GRIP1: variants seen among roughly 807,000 people sequenced by gnomAD.
GRIP1 encodes glutamate receptor-interacting protein 1.
GRIP1 carries 45 observed loss-of-function variants against 129.9 expected under a neutral mutation model. That is an observed-to-expected ratio of 0.35 (90% CI 0.27 to 0.44). The LOEUF (loss-of-function observed/expected upper bound fraction) is 0.44, where lower values mean the gene tolerates loss of function less well. Ranked by LOEUF, GRIP1 falls within the 20% of genes least tolerant of loss-of-function variation. GRIP1 has a pLI of 1.00. For missense variants in GRIP1, 1,196 were observed against 1,396.8 expected (o/e 0.86, Z 2.29); for synonymous variants, 530 against 520.8 (o/e 1.02, Z -0.24).
chr12:66,902,900 G>A (rs1014926831), intron 1 of GRIP1, among the ~76,000 whole-genome samples: 3 of 152,148 alleles, frequency 2.0e-5, no homozygotes, highest in African/African-American at 4.8e-5. Flanking sequence ...TCAATGCTTG[G>A]AAGTGAGGTA....
intron 1 of GRIP1, among the ~76,000 whole-genome samples, chr12:66,838,538 A>G (rs750070298): frequency 1.6e-4 from 24 of 152,186 alleles, no homozygotes; most frequent in Non-Finnish European, 2.8e-4. Context: ...CAACACGCTC[A>G]TTCACGCATG....
intron 1 of GRIP1, among the ~76,000 whole-genome samples, chr12:66,752,487 G>C (rs915963790): frequency 6.6e-6 from 1 of 152,106 alleles, no homozygotes; most frequent in African/African-American, 2.4e-5. Flanking sequence ...CATACATTTT[G>C]TTTATTTGCA....
intron 1 of GRIP1, among the ~76,000 whole-genome samples, chr12:67,060,041 A>AG (rs1205122840): frequency 6.6e-6 from 1 of 152,068 alleles, no homozygotes; most frequent in Non-Finnish European, 1.5e-5. Flanking sequence ...TGCCTGTGAC[A>AG]GGAAAAAAAA....
intron 1 of GRIP1, among the ~76,000 whole-genome samples, chr12:66,860,252 T>TA (rs2040087871): frequency 6.6e-6 from 1 of 152,100 alleles, no homozygotes; most frequent in Non-Finnish European, 1.5e-5. Context: ...GTGGAAGCTT[T>TA]AAGTCATCAC....
chr12:66,728,683 C>T (rs2036333077), intron 1 of GRIP1, among the ~76,000 whole-genome samples: 1 of 152,136 alleles, frequency 6.6e-6, no homozygotes, highest in South Asian at 2.1e-4. Context: ...GCCTCTGCCA[C>T]AATTCTTACT....
At chr12:66,618,062 C>T (rs1027046789) in intron 1 of GRIP1, among the ~76,000 whole-genome samples, 9 of 152,174 alleles carry the variant, frequency 5.9e-5, no homozygotes, top group Admixed American at 1.3e-4. Context: ...TAAATATATT[C>T]GTTATAGCAA....
chr12:66,647,634 G>A (rs1003815479), intron 1 of GRIP1, among the ~76,000 whole-genome samples: 21 of 152,036 alleles, frequency 1.4e-4, no homozygotes, highest in Admixed American at 1.1e-3. Context: ...AGGCTAACCA[G>A]GAAAAGAAAA....
At chr12:66,731,276 C>T (rs1227915128) in intron 1 of GRIP1, among the ~76,000 whole-genome samples, 1 of 152,150 alleles carries the variant, frequency 6.6e-6, no homozygotes, top group Non-Finnish European at 1.5e-5. Context: ...ATGAAAACCA[C>T]TTTTGGACTA....
At chr12:67,040,863 T>C (rs996063004) in intron 1 of GRIP1, among the ~76,000 whole-genome samples, 2 of 152,194 alleles carry the variant, frequency 1.3e-5, no homozygotes, top group African/African-American at 4.8e-5. Flanking sequence ...CTGGATGTTT[T>C]TATGAAGGTG....
At chr12:66,601,913 C>T (rs764953943) in intron 1 of GRIP1, among the ~76,000 whole-genome samples, 17 of 152,124 alleles carry the variant, frequency 1.1e-4, no homozygotes, top group Non-Finnish European at 2.2e-4. Flanking sequence ...ATAATGACAC[C>T]TTCAGTGGAG....
rs142086994 is a variant in GRIP1 at position 67,020,358 on chromosome 12, T to A, written c.58+48692A>T. Among the ~76,000 whole-genome samples, 283 of 152,330 alleles carry A rather than the reference T, an allele frequency of 1.9e-3. 3 individuals are homozygous for A. The highest frequency in any genetic ancestry group is 6.1e-3 in the African/African-American group (254 of 41,582). On this transcript the variant is annotated intron_variant, in intron 1 of 1. Coordinates refer to the GRIP1 transcript ENST00000643019. ...TTAAATGTCACTAACACTAAAGGAA[T>A]TGTCAACTTAAACTGTCACAAAGTG...
intron 1 of GRIP1, among the ~76,000 whole-genome samples, chr12:66,754,683 A>G (rs2037232561): frequency 6.6e-6 from 1 of 152,154 alleles, no homozygotes; most frequent in African/African-American, 2.4e-5. Flanking sequence ...CAGAAGTAAG[A>G]CTAACATGGA....
At chr12:66,608,402 G>A (rs2064635766) in intron 1 of GRIP1, among the ~76,000 whole-genome samples, 1 of 152,120 alleles carries the variant, frequency 6.6e-6, no homozygotes, top group Non-Finnish European at 1.5e-5. Context: ...GTGTGATCTT[G>A]ACTCACTGCA....
chr12:66,689,577 A>ACAAC (rs2034904456), intron 1 of GRIP1, among the ~76,000 whole-genome samples: 1 of 152,228 alleles, frequency 6.6e-6, no homozygotes, highest in Admixed American at 6.5e-5. Context: ...TTCAAGGTAT[A>ACAAC]CAACATGATG....
At chr12:66,791,957 G>A (rs1330026367) in intron 1 of GRIP1, among the ~76,000 whole-genome samples, 2 of 152,142 alleles carry the variant, frequency 1.3e-5, no homozygotes, top group Admixed American at 6.6e-5. Context: ...AGTCAACAAT[G>A]TTCTCACATG....
At chr12:66,541,108 C>T (rs190375685) in intron 3 of GRIP1, among the ~76,000 whole-genome samples, 3 of 152,268 alleles carry the variant, frequency 2.0e-5, no homozygotes, top group Admixed American at 6.5e-5. Context: ...AGTCACTGCC[C>T]GGCCTGGCCT....
At chr12:66,723,332 A>ATTTTTTTT (rs2036153490) in intron 1 of GRIP1, among the ~76,000 whole-genome samples, 1 of 66,178 alleles carries the variant, frequency 1.5e-5, no homozygotes, top group African/African-American at 6.5e-5. Flanking sequence ...TTTTTTTTTG[A>ATTTTTTTT]GACAGAGTCT....
chr12:67,023,842 A>C (rs1344082620), intron 1 of GRIP1, among the ~76,000 whole-genome samples: 1 of 152,146 alleles, frequency 6.6e-6, no homozygotes, highest in Non-Finnish European at 1.5e-5. Context: ...GTCTCCTGCC[A>C]GTATATGTTT....
At chr12:66,700,801 T>C (rs2136351609) in intron 1 of GRIP1, among the ~76,000 whole-genome samples, 1 of 152,200 alleles carries the variant, frequency 6.6e-6, no homozygotes, top group South Asian at 2.1e-4. Flanking sequence ...TGAGAAATAT[T>C]TTGGAGGTAT....
Sources: gnomAD v4.1 joint callset for allele counts (sites outside exome capture counted in the v4.1 genomes callset) on GRCh38, gnomAD v4.1.1 for gene constraint, MANE v1.5 for transcripts, NCBI Gene and HGNC (gene_info 2026-07-23, HGNC 2026-07-21) for gene names.